The following TMEM132B variants were observed in gnomAD, a reference collection of about 807,000 sequenced individuals.
The protein encoded by TMEM132B is transmembrane protein 132B.
A neutral mutation model predicts 90.8 loss-of-function variants in TMEM132B; 18 were observed. That is an observed-to-expected ratio of 0.20 (90% CI 0.14 to 0.29). TMEM132B has a LOEUF of 0.29. Among genes scored for constraint, TMEM132B ranks in the 10% least tolerant of loss-of-function variants. The pLI, the probability that TMEM132B is intolerant of heterozygous loss-of-function variation, is 1.00. For missense variants in TMEM132B, 1,096 were observed against 1,326.8 expected (o/e 0.83, Z 2.70); for synonymous variants, 504 against 523.3 (o/e 0.96, Z 0.50).
At chr12:125,455,266 A>G (rs1305699779) in intron 3 of TMEM132B, among the ~76,000 whole-genome samples, 3 of 152,288 alleles carry the variant, frequency 2.0e-5, no homozygotes, top group Admixed American at 2.0e-4. Context: ...AGGAAACCGT[A>G]AAGTACTAGT....
intron 4 of TMEM132B, among the ~76,000 whole-genome samples, chr12:125,544,775 G>T (rs977234483): frequency 6.6e-6 from 1 of 152,154 alleles, no homozygotes; most frequent in Non-Finnish European, 1.5e-5. Flanking sequence ...AGGAGCAGTG[G>T]GTATAGGGTG....
chr12:125,373,221 C>T (rs377136542), intron 2 of TMEM132B, among the ~76,000 whole-genome samples: 2 of 152,220 alleles, frequency 1.3e-5, no homozygotes, highest in African/African-American at 4.8e-5. Context: ...GGGAACCACA[C>T]GCCTTTACAT....
At chr12:125,491,006 G>A (rs983822237) in intron 3 of TMEM132B, among the ~76,000 whole-genome samples, 2 of 152,130 alleles carry the variant, frequency 1.3e-5, no homozygotes, top group Non-Finnish European at 2.9e-5. Context: ...TAGCCATATG[G>A]GTGTGCCATC....
At chr12:125,582,346 C>T (rs1885072128) in intron 4 of TMEM132B, among the ~76,000 whole-genome samples, 1 of 151,580 alleles carries the variant, frequency 6.6e-6, no homozygotes, top group East Asian at 1.9e-4. Context: ...ATTAAGCCTT[C>T]ACAATCAAGT....
intron 4 of TMEM132B, among the ~76,000 whole-genome samples, chr12:125,559,987 C>T (rs1042347774): frequency 3.3e-5 from 5 of 152,274 alleles, no homozygotes; most frequent in African/African-American, 9.6e-5. Context: ...TCGAATCCAG[C>T]GCTGCCAGCC....
At chr12:125,623,083 G>A (rs1330083379) in intron 5 of TMEM132B, among the ~76,000 whole-genome samples, 2 of 152,130 alleles carry the variant, frequency 1.3e-5, no homozygotes, top group African/African-American at 4.8e-5. Flanking sequence ...TAGGTTCGGG[G>A]AGTGCAGTCA....
chr12:125,283,233 A>G (rs1875249683), intron 1 of TMEM132B, among the ~76,000 whole-genome samples: 1 of 152,128 alleles, frequency 6.6e-6, no homozygotes, highest in Non-Finnish European at 1.5e-5. Context: ...GTGGTTCTGG[A>G]TTCGTACATA....
At chr12:125,228,434 T>A (rs1873731971) in intron 1 of TMEM132B, among the ~76,000 whole-genome samples, 1 of 152,186 alleles carries the variant, frequency 6.6e-6, no homozygotes. Flanking sequence ...GCAGCAACTC[T>A]CTTGGCCCAG....
chr12:125,560,792 T>C (rs1189119965), intron 4 of TMEM132B, among the ~76,000 whole-genome samples: 1 of 118,432 alleles, frequency 8.4e-6, no homozygotes, highest in East Asian at 2.9e-4. Context: ...GCCACTGCAG[T>C]CCGCAGTCCG....
rs1873270178 is a variant in TMEM132B at position 125,209,563 on chromosome 12, GTGGTGC to G, written c.67+22702_67+22707del. 1.3e-5 allele frequency among the ~76,000 whole-genome samples: 2 copies of G among 152,218 alleles called. No homozygotes were observed. The highest frequency in any genetic ancestry group is 4.1e-4 in the South Asian group (2 of 4,834). ...CCCGTTTCCTTTGTTCCTGGCTGCT[GTGGTGC>G]TGGTCACGCTTGGGAGCATGGAGAC... On this transcript the variant is annotated intron_variant, in intron 1 of 8. Transcript: ENST00000682704. This position sits in a 1 kb window ranked among gnomAD's most constrained non-coding sequence, Gnocchi z 4.4.
At chr12:125,652,702 G>A (rs1886958380) in intron 8 of TMEM132B, 70 bp downstream of exon 8, 6 of 1,515,402 alleles carry the variant, frequency 4.0e-6, no homozygotes, top group South Asian at 3.9e-5. Context: ...CACATCCTGC[G>A]AAGGAGAGCA....
intron 1 of TMEM132B, among the ~76,000 whole-genome samples, chr12:125,282,251 C>T (rs4765245): frequency 6.6e-6 from 1 of 151,862 alleles, no homozygotes; most frequent in Non-Finnish European, 1.5e-5. Flanking sequence ...CTCCCTGCCC[C>T]CTGCGATGCT....
chr12:125,351,133 G>A (rs1043154957), intron 2 of TMEM132B, among the ~76,000 whole-genome samples: 2 of 152,172 alleles, frequency 1.3e-5, no homozygotes, highest in Non-Finnish European at 2.9e-5. Flanking sequence ...GGGTCAGAAA[G>A]CTTCTGGAAA....
At chr12:125,362,631 G>A (rs1366400305) in intron 2 of TMEM132B, among the ~76,000 whole-genome samples, 1 of 152,112 alleles carries the variant, frequency 6.6e-6, no homozygotes, top group Non-Finnish European at 1.5e-5. Context: ...CTGCCCCTTG[G>A]CTCCTGGTAG....
At chr12:125,432,842 G>A (rs910189317) in intron 3 of TMEM132B, among the ~76,000 whole-genome samples, 22 of 152,186 alleles carry the variant, frequency 1.4e-4, no homozygotes, top group African/African-American at 3.4e-4. Flanking sequence ...GACACTGTTT[G>A]TACTCAGATT....
intron 1 of TMEM132B, among the ~76,000 whole-genome samples, chr12:125,323,391 G>A (rs1446909270): frequency 6.6e-6 from 1 of 151,996 alleles, no homozygotes; most frequent in African/African-American, 2.4e-5. Flanking sequence ...AACTGAGATT[G>A]CATCATTGCC....
chr12:125,634,840 G>A (rs568501599), intron 5 of TMEM132B, among the ~76,000 whole-genome samples: 20 of 152,282 alleles, frequency 1.3e-4, no homozygotes, highest in African/African-American at 3.4e-4. Context: ...CTCCTCAAGT[G>A]GAGGGAAGGG....
At chr12:125,294,422 G>A (rs1038020745) in intron 1 of TMEM132B, among the ~76,000 whole-genome samples, 3 of 152,212 alleles carry the variant, frequency 2.0e-5, no homozygotes, top group African/African-American at 7.2e-5. Flanking sequence ...TCTCAAATGG[G>A]AAAAGTGGAT....
intron 4 of TMEM132B, among the ~76,000 whole-genome samples, chr12:125,532,447 G>GT: frequency 6.6e-6 from 1 of 152,106 alleles, no homozygotes; most frequent in East Asian, 1.9e-4. Flanking sequence ...CAAATTGAGA[G>GT]TGATTATGCA....
Sources: gnomAD v4.1 joint callset for allele counts (sites outside exome capture counted in the v4.1 genomes callset) on GRCh38, gnomAD v4.1.1 for gene constraint, Gnocchi (gnomAD v3.1) non-coding constraint, MANE v1.5 for transcripts, NCBI Gene and HGNC (gene_info 2026-07-23, HGNC 2026-07-21) for gene names.